Variants in GCNT1 observed in about 807,000 individuals in gnomAD.
GCNT1 encodes beta-1,3-galactosyl-O-glycosyl-glycoprotein beta-1,6-N-acetylglucosaminyltransferase.
In GCNT1, 16 loss-of-function variants were observed where a neutral mutation model predicts 26.2. The ratio of observed to expected loss-of-function variants is 0.61; its 90% CI spans 0.41 to 0.93. GCNT1 has a LOEUF of 0.93. Ranked by LOEUF, GCNT1 falls within the 40% of genes least tolerant of loss-of-function variation. The probability of loss-of-function intolerance (pLI) is 0.00; values close to 1 mark genes in which losing one functional copy is unlikely to be tolerated. For missense variants in GCNT1, 477 were observed against 526.7 expected (o/e 0.91, Z 0.92); for synonymous variants, 183 against 190.8 (o/e 0.96, Z 0.34).
chr9:76,484,509 G>A, intron 2 of GCNT1, among the ~76,000 whole-genome samples: 1 of 152,018 alleles, frequency 6.6e-6, no homozygotes, highest in Non-Finnish European at 1.5e-5. Context: ...CAGTGTTTTT[G>A]TATTTTTGCA....
At chr9:76,439,656 C>G (rs563919330), upstream of GCNT1, among the ~76,000 whole-genome samples, 16 of 152,304 alleles carry the variant, frequency 1.1e-4, no homozygotes, top group Non-Finnish European at 1.9e-4. Context: ...GACTCATATT[C>G]TTATGGCTCT....
intron 2 of GCNT1, among the ~76,000 whole-genome samples, chr9:76,480,036 G>T (rs1054469933): frequency 7.2e-5 from 11 of 152,154 alleles, no homozygotes; most frequent in African/African-American, 2.7e-4. Flanking sequence ...TTTGTATAAG[G>T]TGTAAGGAAG....
the GCNT1 span, chr9:76,394,053 G>C: frequency 1.9e-6 from 3 of 1,554,506 alleles, no homozygotes; most frequent in Admixed American, 5.7e-5. Flanking sequence ...CTCCCCACGT[G>C]ACCCGGCCCG....
Position 76,461,182 on chromosome 9 carries a change from C to T in GCNT1, c.-290+1005C>T, listed in dbSNP as rs992094709. On this transcript the variant is annotated intron_variant, in intron 2 of 3. Transcript: ENST00000376730. The stretch of plus-strand genomic sequence containing the variant: ...ATGCAGGAATTCCCATTCAGCCATA[C>T]AGTGTAGGCAGCTTTTTTTTTTTTT... 1.9e-4 allele frequency among the ~76,000 whole-genome samples: 25 copies of T among 131,986 alleles called. No individual in the cohort carries two copies. The Admixed American group carries it at 2.0e-3, about 11-fold the overall frequency. The allele number at this position is 131,986 out of a possible 152,430, so 86.6% of individuals were successfully genotyped here.
At chr9:76,465,312 C>T (rs775197859) in intron 2 of GCNT1, among the ~76,000 whole-genome samples, 89 of 151,882 alleles carry the variant, frequency 5.9e-4, no homozygotes, top group Admixed American at 4.8e-3. Context: ...TTAGTAGAGA[C>T]GGGGTTTCAG....
upstream of GCNT1, among the ~76,000 whole-genome samples, chr9:76,437,888 G>A (rs1055787471): frequency 5.9e-5 from 9 of 152,234 alleles, no homozygotes; most frequent in African/African-American, 1.7e-4. Flanking sequence ...ACACAGCAAG[G>A]TGAGAGTTCC....
intron 1 of GCNT1, among the ~76,000 whole-genome samples, chr9:76,423,492 A>C (rs1438782521): frequency 6.6e-6 from 1 of 152,172 alleles, no homozygotes; most frequent in South Asian, 2.1e-4. Flanking sequence ...TAAGCCAATA[A>C]ATTTCTGTTT....
At chr9:76,418,788 T>C (rs1312676749), upstream of GCNT1, among the ~76,000 whole-genome samples, 2 of 152,230 alleles carry the variant, frequency 1.3e-5, no homozygotes, top group African/African-American at 4.8e-5. Flanking sequence ...AGTTATTCTC[T>C]TTAGAATTTG....
At chr9:76,498,217 C>T (rs1824962953) in intron 2 of GCNT1, among the ~76,000 whole-genome samples, 1 of 152,138 alleles carries the variant, frequency 6.6e-6, no homozygotes, top group South Asian at 2.1e-4. Flanking sequence ...TTTATCCATT[C>T]TTCAGTTCAC....
chr9:76,443,643 A>G (rs1318305445), intron 1 of GCNT1, among the ~76,000 whole-genome samples: 13 of 152,022 alleles, frequency 8.6e-5, no homozygotes, highest in Non-Finnish European at 1.9e-4. Flanking sequence ...TGCTGCAGAG[A>G]TTTTGTTTAT....
chr9:76,411,487 C>T, the GCNT1 span, among the ~76,000 whole-genome samples: 1 of 151,670 alleles, frequency 6.6e-6, no homozygotes, highest in Non-Finnish European at 1.5e-5. Flanking sequence ...TGCCACCATG[C>T]CTGGCTAATT....
At chr9:76,487,374 C>T (rs967928603) in intron 2 of GCNT1, among the ~76,000 whole-genome samples, 2 of 152,206 alleles carry the variant, frequency 1.3e-5, no homozygotes, top group Non-Finnish European at 2.9e-5. Context: ...AACAGTAGTC[C>T]TTGGAGAGTC....
intron 2 of GCNT1, among the ~76,000 whole-genome samples, chr9:76,485,036 C>T (rs1187439657): frequency 6.6e-6 from 1 of 152,204 alleles, no homozygotes. Flanking sequence ...ATCCGCCCAC[C>T]TTGGCCTCCC....
the GCNT1 span, among the ~76,000 whole-genome samples, chr9:76,407,833 ATT>A: frequency 6.6e-6 from 1 of 152,030 alleles, no homozygotes; most frequent in Non-Finnish European, 1.5e-5. Context: ...TCTTGTACAT[ATT>A]TTGTTAGATT....
At chr9:76,420,239 T>A (rs1029635318) in intron 1 of GCNT1, 2 of 152,194 alleles carry the variant, frequency 1.3e-5, no homozygotes, top group Non-Finnish European at 2.9e-5. Context: ...CTGTATCAAA[T>A]GTGTAACAGT....
At chr9:76,429,689 A>T in intron 1 of GCNT1, among the ~76,000 whole-genome samples, 1 of 151,016 alleles carries the variant, frequency 6.6e-6, no homozygotes, top group Non-Finnish European at 1.5e-5. Context: ...TAATGAATAG[A>T]AGGTTTTCAA....
intron 1 of GCNT1, among the ~76,000 whole-genome samples, chr9:76,436,278 C>T (rs1243131694): frequency 6.6e-6 from 1 of 151,904 alleles, no homozygotes; most frequent in Non-Finnish European, 1.5e-5. Flanking sequence ...GAGGAACATA[C>T]CTTCCACAAG....
chr9:76,497,115 A>G (rs1824927600), intron 2 of GCNT1, among the ~76,000 whole-genome samples: 1 of 152,336 alleles, frequency 6.6e-6, no homozygotes, highest in Admixed American at 6.5e-5. Context: ...TTCTTCAGTG[A>G]GTATGCTTCC....
intron 2 of GCNT1, among the ~76,000 whole-genome samples, chr9:76,478,109 G>A (rs1222859391): frequency 6.6e-6 from 1 of 152,204 alleles, no homozygotes. Context: ...CAATCAGCAG[G>A]ATGTGGGTGG....
Sources: gnomAD v4.1 joint callset for allele counts (sites outside exome capture counted in the v4.1 genomes callset) on GRCh38, gnomAD v4.1.1 for gene constraint, MANE v1.5 for transcripts, NCBI Gene and HGNC (gene_info 2026-07-23, HGNC 2026-07-21) for gene names.